Variants in CDH8 observed in about 807,000 individuals in gnomAD.
The protein encoded by CDH8 is cadherin 8, also known as cadherin-8.
In CDH8, 17 loss-of-function variants were observed where a neutral mutation model predicts 68.1. The observed-to-expected ratio is 0.25, with a 90% confidence interval of 0.17 to 0.37. The LOEUF is 0.37. CDH8 is among the 10% of genes least tolerant of loss of function. The pLI, the probability that CDH8 is intolerant of heterozygous loss-of-function variation, is 1.00. For missense variants in CDH8, 763 were observed against 999.3 expected (o/e 0.76, Z 3.19); for synonymous variants, 372 against 365.1 (o/e 1.02, Z -0.21).
At chr16:61,722,353 G>T (rs1024687576) in intron 9 of CDH8, among the ~76,000 whole-genome samples, 1 of 150,632 alleles carries the variant, frequency 6.6e-6, no homozygotes, top group African/African-American at 2.4e-5. Context: ...TTTGTTCTTT[G>T]TTCCTCTGTC....
chr16:61,923,758 T>G (rs1410212981), intron 2 of CDH8, among the ~76,000 whole-genome samples: 2 of 147,486 alleles, frequency 1.4e-5, no homozygotes, highest in Admixed American at 6.9e-5. Context: ...GTATATATAT[T>G]TAAATATATA....
At chr16:61,935,169 A>G (rs200610247) in intron 2 of CDH8, among the ~76,000 whole-genome samples, 59 of 152,342 alleles carry the variant, frequency 3.9e-4, no homozygotes, top group African/African-American at 1.3e-3. Flanking sequence ...AGGCAAAAGT[A>G]GAACAGTTAC....
chr16:61,964,553 C>A (rs9932796), intron 2 of CDH8, among the ~76,000 whole-genome samples: 74,564 of 151,330 alleles, frequency 0.49, 19,740 homozygotes, highest in East Asian at 0.89. Context: ...TTTTCCTCAA[C>A]CAAAACAATC....
intron 4 of CDH8, among the ~76,000 whole-genome samples, chr16:61,834,920 A>C (rs953469961): frequency 6.6e-6 from 1 of 151,966 alleles, no homozygotes; most frequent in Non-Finnish European, 1.5e-5. Context: ...GTGGCGTCCA[A>C]ATCTTGGTCT....
At chr16:61,779,286 T>A (rs1317897679) in intron 8 of CDH8, among the ~76,000 whole-genome samples, 1 of 152,044 alleles carries the variant, frequency 6.6e-6, no homozygotes, top group Non-Finnish European at 1.5e-5. Flanking sequence ...GCAAATTGAT[T>A]CCCACATTCT....
chr16:61,950,870 C>G (rs1394955341), intron 2 of CDH8, among the ~76,000 whole-genome samples: 1 of 151,880 alleles, frequency 6.6e-6, no homozygotes, highest in African/African-American at 2.4e-5. Context: ...AAGAAGGGAA[C>G]AAAAGGCACT....
chr16:61,740,069 G>A (rs185784468), intron 8 of CDH8, among the ~76,000 whole-genome samples: 261 of 151,350 alleles, frequency 1.7e-3, no homozygotes, highest in African/African-American at 5.3e-3. Flanking sequence ...CACCACGCCC[G>A]GCTAATTTTT....
At chr16:61,711,868 A>G (rs973481654) in intron 10 of CDH8, among the ~76,000 whole-genome samples, 2 of 151,742 alleles carry the variant, frequency 1.3e-5, no homozygotes, top group African/African-American at 4.8e-5. Context: ...GTCCCAGTAG[A>G]AACAATAAAT....
At chr16:61,774,296 G>A (rs192476044) in intron 8 of CDH8, among the ~76,000 whole-genome samples, 129 of 151,926 alleles carry the variant, frequency 8.5e-4, no homozygotes, top group East Asian at 4.7e-3. Flanking sequence ...CAGGGGACGC[G>A]AGGCTCCTCT....
chr16:61,780,481 A>G (rs1961021548), intron 8 of CDH8, among the ~76,000 whole-genome samples: 1 of 152,270 alleles, frequency 6.6e-6, no homozygotes, highest in Non-Finnish European at 1.5e-5. Context: ...GGACTTTGCT[A>G]AAATCCACTT....
rs780431691 is a variant in CDH8, at chr16:61,789,447, T to A, written c.1313A>T (p.Gln438Leu). The A allele has an allele frequency of 3.7e-6, 6 of 1,613,136 alleles. No homozygotes were observed. Among genetic ancestry groups the A allele is most frequent in the East Asian group, 2.2e-5 (1 of 44,852 alleles). Residue 438 changes from glutamine to leucine, a missense_variant, in exon 8 of 12, where the codon CAG becomes CTG. By Grantham distance (113) the Gln-to-Leu change is moderately radical (BLOSUM62 -2). Coordinates refer to ENST00000577390, the MANE Select transcript of CDH8 (RefSeq NM_001796.5). The part of the protein sequence containing the change: ...SIDRHTDLER[Q>L]FNINADDGKI... ...CCCATCGTCTGCATTAATGTTGAAC[T>A]GCCTCTCCAGGTCAGTGTGCCGGTC...
At chr16:61,723,169 T>G (rs1959244951) in intron 9 of CDH8, among the ~76,000 whole-genome samples, 1 of 150,732 alleles carries the variant, frequency 6.6e-6, no homozygotes, top group Admixed American at 6.6e-5. Flanking sequence ...GGTTAATATC[T>G]GAAATAAAGT....
chr16:62,012,144 T>A (rs1278317696), intron 2 of CDH8, among the ~76,000 whole-genome samples: 1 of 152,218 alleles, frequency 6.6e-6, no homozygotes, highest in African/African-American at 2.4e-5. Context: ...AGAAATTCTG[T>A]AAACACTGTA....
intron 5 of CDH8, among the ~76,000 whole-genome samples, chr16:61,824,162 T>C (rs555839590): frequency 6.6e-6 from 1 of 151,880 alleles, no homozygotes; most frequent in African/African-American, 2.4e-5. Context: ...TTAAGTGAAA[T>C]AAGCCAGATC....
intron 2 of CDH8, among the ~76,000 whole-genome samples, chr16:61,934,513 T>C (rs568166929): frequency 2.0e-5 from 3 of 152,326 alleles, no homozygotes; most frequent in Admixed American, 6.5e-5. Flanking sequence ...ATGGTATATA[T>C]GCCACTTAAC....
At chr16:61,870,585 A>G (rs1963337473) in intron 3 of CDH8, among the ~76,000 whole-genome samples, 1 of 152,182 alleles carries the variant, frequency 6.6e-6, no homozygotes, top group Non-Finnish European at 1.5e-5. Context: ...AGAGGTATAG[A>G]TTTCCCCAAA....
chr16:61,832,725 T>C (rs1962487450), intron 4 of CDH8, among the ~76,000 whole-genome samples: 1 of 151,718 alleles, frequency 6.6e-6, no homozygotes, highest in African/African-American at 2.4e-5. Context: ...AGTTAGTGGT[T>C]AAGGTTATAG....
chr16:61,821,856 G>A (rs541781783), intron 5 of CDH8, among the ~76,000 whole-genome samples: 48 of 152,036 alleles, frequency 3.2e-4, no homozygotes, highest in Admixed American at 5.2e-4. Flanking sequence ...TGGTGTAGAG[G>A]AAGCTGTTGG....
intron 10 of CDH8, among the ~76,000 whole-genome samples, chr16:61,713,465 C>T (rs1208988096): frequency 1.3e-5 from 2 of 151,586 alleles, no homozygotes; most frequent in Admixed American, 6.6e-5. Flanking sequence ...TCCCTAAAGA[C>T]GTGGTAAACA....
Sources: gnomAD v4.1 joint callset for allele counts (sites outside exome capture counted in the v4.1 genomes callset) on GRCh38, gnomAD v4.1.1 for gene constraint, MANE v1.5 for transcripts, NCBI Gene and HGNC (gene_info 2026-07-23, HGNC 2026-07-21) for gene names.